The following PTPRQ variants were observed in gnomAD, a reference collection of about 807,000 sequenced individuals.
PTPRQ encodes the protein phosphatidylinositol phosphatase PTPRQ.
In PTPRQ, 199 loss-of-function variants were observed where a neutral mutation model predicts 246.0. That is an observed-to-expected ratio of 0.81 (90% confidence interval 0.72 to 0.91). PTPRQ has a LOEUF of 0.91. PTPRQ is among the 40% of genes least tolerant of loss of function. PTPRQ has a pLI of 0.00. For synonymous variants in PTPRQ, 869 were observed against 853.2 expected (o/e 1.02, Z -0.32); for missense variants, 2,624 against 2,528.4 (o/e 1.04, Z -0.81).
At chr12:80,524,916 A>C (rs576931685) in intron 17 of PTPRQ, among the ~76,000 whole-genome samples, 6 of 152,298 alleles carry the variant, frequency 3.9e-5, no homozygotes, top group African/African-American at 1.2e-4. Flanking sequence ...TTGTTCTAAA[A>C]ATAAAACAGC....
intron 3 of PTPRQ, among the ~76,000 whole-genome samples, chr12:80,452,375 A>G (rs1353348900): frequency 1.3e-5 from 2 of 152,116 alleles, no homozygotes; most frequent in Admixed American, 1.3e-4. Context: ...TTTAAAGTCA[A>G]TATTGTTATG....
intron 8 of PTPRQ, among the ~76,000 whole-genome samples, chr12:80,478,453 AACTCT>A (rs1274818538): frequency 4.6e-5 from 7 of 152,238 alleles, no homozygotes; most frequent in African/African-American, 1.7e-4. Flanking sequence ...AAAAACTGGA[AACTCT>A]AAAAAGCAGA....
intron 17 of PTPRQ, among the ~76,000 whole-genome samples, chr12:80,526,836 G>A (rs374904987): frequency 6.6e-6 from 1 of 151,838 alleles, no homozygotes; most frequent in African/African-American, 2.4e-5. Context: ...CTTATGATGA[G>A]AAATTAATGT....
intron 27 of PTPRQ, among the ~76,000 whole-genome samples, chr12:80,608,054 G>C (rs1325134655): frequency 6.6e-6 from 1 of 150,746 alleles, no homozygotes; most frequent in African/African-American, 2.4e-5. Context: ...AGAAGATAAA[G>C]GAGACTTCAT....
chr12:80,549,842 A>G (rs944539227), intron 25 of PTPRQ, 108 bp downstream of exon 25: 7 of 1,382,734 alleles, frequency 5.1e-6, no homozygotes, highest in African/African-American at 4.4e-5. Flanking sequence ...TACAAAGCAC[A>G]TATTAAAAAA....
intron 38 of PTPRQ, among the ~76,000 whole-genome samples, chr12:80,655,524 T>C (rs1900402653): frequency 6.6e-6 from 1 of 151,956 alleles, no homozygotes; most frequent in Non-Finnish European, 1.5e-5. Flanking sequence ...AGCCGTAAAG[T>C]CACAGGCACA....
chr12:80,618,353 A>G (rs1374656412), intron 30 of PTPRQ, among the ~76,000 whole-genome samples: 4 of 137,006 alleles, frequency 2.9e-5, no homozygotes, highest in Non-Finnish European at 6.2e-5. Context: ...ATGCTCAAGC[A>G]CTACATTCAC....
In PTPRQ at chr12:80,512,313, G is replaced by A. The variant is rs976318808; in HGVS notation, c.2678+1870G>A. 3.3e-5 allele frequency among the ~76,000 whole-genome samples: 5 copies of A among 152,246 alleles called. No individual in the cohort carries two copies. In the East Asian group the frequency reaches 7.7e-4, roughly 23 times the overall value. Reference sequence around the variant, plus strand: ...TCATGCTTCCCTTCCTAGAGCTTCCGTGTATATCTAGCATAATGCATAACA... The same window carrying A: ...TCATGCTTCCCTTCCTAGAGCTTCCATGTATATCTAGCATAATGCATAACA... On this transcript the variant is annotated intron_variant, in intron 17 of 44. Coordinates refer to ENST00000644991, the MANE Select transcript of PTPRQ (RefSeq NM_001145026.2).
At chr12:80,591,120 C>CTTTTTTTTT (rs757029945) in intron 26 of PTPRQ, among the ~76,000 whole-genome samples, 14 of 77,386 alleles carry the variant, frequency 1.8e-4, no homozygotes, top group East Asian at 3.7e-4. Flanking sequence ...TTGATCATTG[C>CTTTTTTTTT]TTTTTTTTTT....
intron 26 of PTPRQ, among the ~76,000 whole-genome samples, chr12:80,603,407 C>T (rs530175736): frequency 2.0e-5 from 3 of 151,806 alleles, no homozygotes; most frequent in African/African-American, 7.2e-5. Context: ...ACTCCAAATT[C>T]TTTAACGTAA....
intron 27 of PTPRQ, among the ~76,000 whole-genome samples, chr12:80,609,029 A>G (rs753574589): frequency 2.0e-5 from 3 of 150,498 alleles, no homozygotes; most frequent in Non-Finnish European, 4.5e-5. Flanking sequence ...TTTTTCTTCC[A>G]TTTTCGAGAA....
intron 25 of PTPRQ, among the ~76,000 whole-genome samples, chr12:80,557,392 G>A (rs184253418): frequency 6.6e-6 from 1 of 151,232 alleles, no homozygotes. Context: ...ATGCTGCATG[G>A]GGACAGAGAT....
At chr12:80,494,686 G>A (rs1225054012) in intron 10 of PTPRQ, among the ~76,000 whole-genome samples, 1 of 151,764 alleles carries the variant, frequency 6.6e-6, no homozygotes, top group African/African-American at 2.4e-5. Context: ...ATTATATTAT[G>A]AACACAAAAT....
At chr12:80,609,755 G>A (rs1452967578) in intron 27 of PTPRQ, among the ~76,000 whole-genome samples, 1 of 150,490 alleles carries the variant, frequency 6.6e-6, no homozygotes, top group African/African-American at 2.4e-5. Flanking sequence ...TTTAAATGAG[G>A]TGGAATAAAG....
In PTPRQ at chr12:80,613,572, T is replaced by G; in HGVS notation, c.4919-20T>G. 1 of 1,479,774 alleles carries G rather than the reference T, an allele frequency of 6.8e-7. No homozygotes were observed. Among genetic ancestry groups the G allele is most frequent in the East Asian group, 2.5e-5 (1 of 39,706 alleles). The allele number at this position is 1,479,774 out of a possible 1,614,324, so 91.7% of individuals were successfully genotyped here. A position where few individuals can be genotyped will look rare whatever the true frequency, so the allele number is the denominator to read the frequency against. ...GAATACAATATTTTTAAAAATTAAT[T>G]GTTAAATATTTTATTTTAGCCCCAA... is the stretch of plus-strand genomic sequence containing the variant. On this transcript the variant is annotated intron_variant, in intron 28 of 44. Coordinates refer to ENST00000644991, the MANE Select transcript of PTPRQ (RefSeq NM_001145026.2).
chr12:80,660,343 T>C (rs368117061), intron 39 of PTPRQ, among the ~76,000 whole-genome samples: 3 of 152,116 alleles, frequency 2.0e-5, no homozygotes, highest in African/African-American at 7.2e-5. Flanking sequence ...ATAACTAGGT[T>C]AACATGCCAA....
chr12:80,508,032 T>C (rs1895016061), intron 16 of PTPRQ, among the ~76,000 whole-genome samples: 2 of 152,010 alleles, frequency 1.3e-5, no homozygotes. Context: ...GTAGTGAACA[T>C]ATATTTTGAG....
chr12:80,588,026 A>G (rs1897673787), intron 25 of PTPRQ, 103 bp from the exon 26 acceptor site: 2 of 1,211,734 alleles, frequency 1.7e-6, no homozygotes, highest in Non-Finnish European at 2.2e-6. Flanking sequence ...TAGTAATTTG[A>G]CAGATCTCTA....
intron 8 of PTPRQ, among the ~76,000 whole-genome samples, chr12:80,473,995 T>G (rs906587341): frequency 6.6e-6 from 1 of 152,230 alleles, no homozygotes; most frequent in African/African-American, 2.4e-5. Flanking sequence ...TATATCCTCA[T>G]GTCAGCCTTC....
Sources: allele counts gnomAD v4.1 joint callset (sites outside exome capture counted in the v4.1 genomes callset), GRCh38; gene constraint gnomAD v4.1.1; transcripts MANE v1.5; gene names NCBI Gene and HGNC (gene_info 2026-07-23, HGNC 2026-07-21).